ADD2: variants seen among roughly 807,000 people sequenced by gnomAD.
The protein encoded by ADD2 is adducin 2.
Under a neutral mutation model 83.0 loss-of-function variants are expected in ADD2, and 23 were observed. The ratio of observed to expected loss-of-function variants is 0.28; its 90% CI spans 0.20 to 0.39. The LOEUF is 0.39. ADD2 is among the 10% of genes least tolerant of loss of function. ADD2 has a pLI of 1.00. For missense variants in ADD2, 758 were observed against 944.9 expected, an observed-to-expected ratio of 0.80 and a Z score of 2.59; for synonymous variants, 375 against 375.4, an observed-to-expected ratio of 1.00 and a Z score of 0.01.
intron 13 of ADD2, chr2:70,675,691 C>T (rs116545672): frequency 0.095 from 93,510 of 985,366 alleles, 4,544 homozygotes; most frequent in Middle Eastern, 0.11. Context: ...GTCCTCCCTG[C>T]CCTGGCCCGC....
rs1675534500 is a variant in ADD2, at chr2:70,661,460, A to G, written c.*1965T>C. The G allele has an allele frequency of 6.6e-6, 1 of 152,314 alleles. No homozygotes were observed. The highest frequency in any genetic ancestry group is 2.1e-4 in the South Asian group (1 of 4,818). 9.4% of individuals were successfully genotyped at this position (152,314 alleles called of 1,614,324 possible). On this transcript the variant is annotated 3_prime_UTR_variant, in exon 16 of 16. Coordinates refer to ENST00000264436, the MANE Select transcript of ADD2 (RefSeq NM_001617.4). ...GTTGTCCCTCCTAAAATTTGACCCA[A>G]TCAGGAAGTAGAACAGAGATGGAGC...
intron 1 of ADD2, among the ~76,000 whole-genome samples, chr2:70,720,182 C>T (rs1672667730): frequency 6.6e-6 from 1 of 152,152 alleles, no homozygotes; most frequent in Admixed American, 6.5e-5. Context: ...TAATCCTGCA[C>T]TATCCCTCCC....
intron 1 of ADD2, among the ~76,000 whole-genome samples, chr2:70,727,593 G>T (rs1313942279): frequency 6.6e-6 from 1 of 151,994 alleles, no homozygotes; most frequent in African/African-American, 2.4e-5. Flanking sequence ...TGGCTCCTTG[G>T]GTCTTTAGAA....
intron 1 of ADD2, among the ~76,000 whole-genome samples, chr2:70,736,132 G>A (rs1266187454): frequency 1.3e-5 from 2 of 152,062 alleles, no homozygotes; most frequent in African/African-American, 2.4e-5. Flanking sequence ...CGGGGGTGGG[G>A]GGCAGAAAGG....
At chr2:70,744,828 G>C (rs529813040) in intron 1 of ADD2, among the ~76,000 whole-genome samples, 2 of 152,062 alleles carry the variant, frequency 1.3e-5, no homozygotes, top group Admixed American at 1.3e-4. Flanking sequence ...GGGAAGACCG[G>C]GCTTGGAATC....
chr2:70,665,470 T>C (rs1381157539), intron 15 of ADD2, among the ~76,000 whole-genome samples: 2 of 152,196 alleles, frequency 1.3e-5, no homozygotes, highest in African/African-American at 4.8e-5. Context: ...CACGTAATAC[T>C]GTGGCCATCA....
At position 70,683,806 on chromosome 2, in the gene ADD2, A is replaced by G. The variant is rs782064983; in HGVS notation, c.949-39T>C. 7 of 1,587,326 alleles carry G rather than the reference A, an allele frequency of 4.4e-6. No individual in the cohort carries two copies. In the Admixed American group the frequency reaches 6.8e-5, roughly 15 times the overall value. ...CAGAGAGCCCTCAGCCCATGTGCAC[A>G]TGGGTACCCTGCACTTATCTATGCT... is the stretch of plus-strand genomic sequence containing the variant. On this transcript the variant is annotated intron_variant, in intron 9 of 15. Coordinates refer to ENST00000264436, the MANE Select transcript of ADD2 (RefSeq NM_001617.4).
rs1398913377 is a variant in ADD2 at position 70,658,662 on chromosome 2, G to C, written c.*4763C>G. 1.3e-5 allele frequency: 2 copies of C among 152,132 alleles called. No individual in the cohort carries two copies. The highest frequency in any genetic ancestry group is 2.9e-5 in the Non-Finnish European group (2 of 68,032). The allele number at this position is 152,132 out of a possible 1,614,324, so 9.4% of individuals were successfully genotyped here. On this transcript the variant is annotated 3_prime_UTR_variant, in exon 16 of 16. Transcript: ENST00000264436. ...GGTCTTAGAGTTCAACTGAGCTCCAGTGATGAGAGAGAATGTAAAAAGACC... is the reference window on the plus strand; with the variant it reads ...GGTCTTAGAGTTCAACTGAGCTCCACTGATGAGAGAGAATGTAAAAAGACC...
At chr2:70,750,017 G>A (rs1553382671) in intron 1 of ADD2, among the ~76,000 whole-genome samples, 1 of 152,186 alleles carries the variant, frequency 6.6e-6, no homozygotes, top group African/African-American at 2.4e-5. Context: ...GATCAGTAGG[G>A]TATACACAGG....
At chr2:70,716,458 C>T (rs538850363) in intron 1 of ADD2, among the ~76,000 whole-genome samples, 110 of 152,222 alleles carry the variant, frequency 7.2e-4, no homozygotes, top group African/African-American at 2.5e-3. Context: ...TGGCAGCCTG[C>T]CCCCTACACC....
chr2:70,741,303 G>A (rs1224982653), intron 1 of ADD2: 1 of 152,186 alleles, frequency 6.6e-6, no homozygotes, highest in Non-Finnish European at 1.5e-5. Context: ...ATCTGACATT[G>A]AATTTAAAAG....
chr2:70,767,619 C>T lies in ADD2; in HGVS notation c.-154+267G>A, dbSNP rs1304835850. The T allele has an allele frequency of 5.5e-6, 7 of 1,283,736 alleles. No individual in the cohort carries two copies. In the Admixed American group the frequency reaches 2.7e-4, roughly 50 times the overall value. The allele number at this position is 1,283,736 out of a possible 1,614,324, so 79.5% of individuals were successfully genotyped here. ...AAAGCCCCACCTGTCAGGCGTTACG[C>T]TCCGGGCGAGGGTCCCACCATCCCC... is the stretch of plus-strand genomic sequence containing the variant. On this transcript the variant is annotated intron_variant, in intron 1 of 15. Coordinates refer to ENST00000264436, the MANE Select transcript of ADD2 (RefSeq NM_001617.4).
intron 13 of ADD2, chr2:70,675,467 G>T: frequency 1.0e-6 from 1 of 985,464 alleles, no homozygotes; most frequent in African/African-American, 1.7e-5. Flanking sequence ...TGCCACCTCT[G>T]TGGAGCCCGT....
At chr2:70,704,615 G>C (rs1671794887) in intron 3 of ADD2, among the ~76,000 whole-genome samples, 156 bp from the exon 4 acceptor site, 1 of 152,184 alleles carries the variant, frequency 6.6e-6, no homozygotes, top group African/African-American at 2.4e-5. Flanking sequence ...AGTTCCACTA[G>C]GACCTCAGGA....
intron 15 of ADD2, among the ~76,000 whole-genome samples, chr2:70,664,292 T>C (rs1490052535): frequency 6.6e-6 from 1 of 152,026 alleles, no homozygotes; most frequent in Non-Finnish European, 1.5e-5. Context: ...TTCCAAGACA[T>C]GTTAGTCAAA....
Position 70,690,878 on chromosome 2 carries a change from C to A in ADD2, c.757G>T (p.Val253Leu). 6.2e-7 allele frequency: 1 copy of A among 1,614,154 alleles called. No individual in the cohort carries two copies. Among genetic ancestry groups the A allele is most frequent in the Non-Finnish European group, 8.5e-7 (1 of 1,180,014 alleles). ...LLPVSHNALL[V>L]GDMAYYDFNG... ...AAGTCATAATAGGCCATGTCCCCCA[C>A]CAGCAGGGCATTGTGGGAGACAGGC... is the stretch of plus-strand genomic sequence containing the variant. Residue 253 changes from valine to leucine, a missense_variant, in exon 8 of 16, where the codon GTG (valine) becomes TTG (leucine). Coordinates refer to ENST00000264436, the MANE Select transcript of ADD2 (RefSeq NM_001617.4).
intron 4 of ADD2, among the ~76,000 whole-genome samples, chr2:70,698,678 C>T (rs756434824): frequency 6.6e-6 from 1 of 151,744 alleles, no homozygotes; most frequent in Non-Finnish European, 1.5e-5. Context: ...CGCTTGTACC[C>T]CATAAATATG....
Position 70,696,103 on chromosome 2 carries a change from T to C in ADD2, c.474+142A>G, listed in dbSNP as rs558049413. ...GATGCCTTATCAATGACCACAGTGG[T>C]TAAAAAACTTGGAAGGGTTCAGTGC... On this transcript the variant is annotated intron_variant, in intron 5 of 15. Transcript: ENST00000264436. 21 of 1,186,444 alleles carry C rather than the reference T, an allele frequency of 1.8e-5. 1 individual carries two copies. In the African/African-American group the frequency reaches 1.8e-4, roughly 10 times the overall value. The allele number at this position is 1,186,444 out of a possible 1,614,324, so 73.5% of individuals were successfully genotyped here.
In ADD2 at chr2:70,660,097, G is replaced by A. The variant is rs1553364767; in HGVS notation, c.*3328C>T. 2.0e-5 allele frequency: 3 copies of A among 152,138 alleles called. No individual in the cohort carries two copies. Among genetic ancestry groups the A allele is most frequent in the Admixed American group, 6.5e-5 (1 of 15,282 alleles). The allele number at this position is 152,138 out of a possible 1,614,324, so 9.4% of individuals were successfully genotyped here. A position where few individuals can be genotyped will look rare whatever the true frequency, so the allele number is the denominator to read the frequency against. On this transcript the variant is annotated 3_prime_UTR_variant, in exon 16 of 16. Transcript: ENST00000264436. ...AGAAAATGGCCTTTCCTTTCTAATA[G>A]CCTGTAGATTTGTTTGGACCACATG...
Sources: gnomAD v4.1 joint callset for allele counts (sites outside exome capture counted in the v4.1 genomes callset) on GRCh38, gnomAD v4.1.1 for gene constraint, MANE v1.5 for transcripts, NCBI Gene and HGNC (gene_info 2026-07-23, HGNC 2026-07-21) for gene names.